Variants in RFC3 observed in about 807,000 individuals in gnomAD.
RFC3 encodes replication factor C subunit 3, also known as A1 38 kDa subunit.
In RFC3, 41 loss-of-function variants were observed where a neutral mutation model predicts 45.1. That is an observed-to-expected ratio of 0.91 (90% CI 0.71 to 1.18). The LOEUF is 1.18. Among genes scored for constraint, RFC3 ranks in the 50% most tolerant of loss-of-function variants. The probability of loss-of-function intolerance (pLI) is 0.00; values close to 1 mark genes in which losing one functional copy is unlikely to be tolerated. For missense variants in RFC3, 423 were observed against 428.1 expected, an observed-to-expected ratio of 0.99 and a Z score of 0.10; for synonymous variants, 149 against 144.0, an observed-to-expected ratio of 1.03 and a Z score of -0.25.
At chr13:33,830,455 ATTC>A (rs1049292987) in intron 5 of RFC3, among the ~76,000 whole-genome samples, 23 of 152,302 alleles carry the variant, frequency 1.5e-4, no homozygotes, top group African/African-American at 5.5e-4. Context: ...TTTTTTCTCC[ATTC>A]TTAACAGCCA....
downstream of RFC3, among the ~76,000 whole-genome samples, chr13:33,839,111 G>A (rs1328768383): frequency 2.0e-5 from 3 of 152,176 alleles, no homozygotes; most frequent in East Asian, 1.9e-4. Flanking sequence ...AATGAGGAAT[G>A]CATTCAAGGT....
chr13:33,821,089 G>T, intron 1 of RFC3, 43 bp from the exon 2 acceptor site: 11 of 1,609,166 alleles, frequency 6.8e-6, no homozygotes, highest in Non-Finnish European at 9.3e-6. Flanking sequence ...ACCTAGAGCA[G>T]TTCAGTTTGA....
chr13:33,887,409 G>GT (rs1222675475), intron 8 of RFC3, among the ~76,000 whole-genome samples: 4 of 151,958 alleles, frequency 2.6e-5, no homozygotes, highest in East Asian at 3.8e-4. Flanking sequence ...TTTTTCATGT[G>GT]TTTTTTGGCT....
chr13:33,906,976 A>G (rs2082675599), intron 8 of RFC3, among the ~76,000 whole-genome samples: 1 of 152,020 alleles, frequency 6.6e-6, no homozygotes, highest in Non-Finnish European at 1.5e-5. Context: ...CTACAAATGC[A>G]TGCTACCATG....
At chr13:33,970,694 G>C (rs2083106142), downstream of RFC3, among the ~76,000 whole-genome samples, 1 of 152,224 alleles carries the variant, frequency 6.6e-6, no homozygotes, top group Non-Finnish European at 1.5e-5. Context: ...GTATGTAACT[G>C]ACTTCGTTTG....
At chr13:33,862,077 G>C (rs577950517) in intron 8 of RFC3, among the ~76,000 whole-genome samples, 1 of 152,100 alleles carries the variant, frequency 6.6e-6, no homozygotes, top group Non-Finnish European at 1.5e-5. Context: ...AGTTCTATAC[G>C]TCTCACCTTT....
chr13:33,975,213 G>T, the RFC3 span, among the ~76,000 whole-genome samples: 1 of 152,214 alleles, frequency 6.6e-6, no homozygotes, highest in Non-Finnish European at 1.5e-5. Flanking sequence ...AGAATGCAAA[G>T]ACTGAGCTAT....
At chr13:33,933,452 G>T (rs1356405820) in intron 8 of RFC3, among the ~76,000 whole-genome samples, 1 of 152,084 alleles carries the variant, frequency 6.6e-6, no homozygotes, top group South Asian at 2.1e-4. Flanking sequence ...CCACTGCTAT[G>T]ATTGGGTTAG....
chr13:33,858,979 C>G (rs1390193539), intron 8 of RFC3, among the ~76,000 whole-genome samples: 1 of 152,194 alleles, frequency 6.6e-6, no homozygotes, highest in Non-Finnish European at 1.5e-5. Flanking sequence ...TGAATGCACA[C>G]TCAGTCGTAT....
chr13:33,886,268 C>T (rs1348403567), intron 8 of RFC3, among the ~76,000 whole-genome samples: 1 of 152,112 alleles, frequency 6.6e-6, no homozygotes, highest in Non-Finnish European at 1.5e-5. Flanking sequence ...GAAACCGGAC[C>T]AGACACAGTG....
intron 8 of RFC3, among the ~76,000 whole-genome samples, chr13:33,962,845 G>A (rs902906601): frequency 6.6e-6 from 1 of 152,058 alleles, no homozygotes; most frequent in African/African-American, 2.4e-5. Flanking sequence ...CACTTTTACT[G>A]TTTTTTAGTT....
intron 8 of RFC3, among the ~76,000 whole-genome samples, chr13:33,958,641 T>G (rs935208381): frequency 3.3e-5 from 5 of 152,182 alleles, no homozygotes; most frequent in Non-Finnish European, 7.4e-5. Flanking sequence ...AGGGAGAGTG[T>G]GGGATGATGT....
intron 8 of RFC3, chr13:33,850,392 T>C (rs1362484201): frequency 2.0e-5 from 3 of 152,128 alleles, no homozygotes; most frequent in African/African-American, 7.2e-5. Context: ...AAAATGTATC[T>C]ATTTTGAAGG....
At chr13:33,889,895 C>T (rs2082552855) in intron 8 of RFC3, among the ~76,000 whole-genome samples, 1 of 152,166 alleles carries the variant, frequency 6.6e-6, no homozygotes, top group Admixed American at 6.5e-5. Flanking sequence ...GGATAACATC[C>T]TGTCATTTGT....
intron 8 of RFC3, among the ~76,000 whole-genome samples, chr13:33,905,659 T>C (rs1330504862): frequency 6.6e-6 from 1 of 152,072 alleles, no homozygotes; most frequent in Non-Finnish European, 1.5e-5. Flanking sequence ...ATTGCTACAA[T>C]ATGAAGCTCA....
At chr13:33,859,180 G>A (rs1038860775) in intron 8 of RFC3, among the ~76,000 whole-genome samples, 1 of 152,130 alleles carries the variant, frequency 6.6e-6, no homozygotes, top group Non-Finnish European at 1.5e-5. Context: ...TTTGCTGTGA[G>A]AGTCAAAACT....
At chr13:33,898,036 AGACTGT>A (rs2082613034) in intron 8 of RFC3, among the ~76,000 whole-genome samples, 1 of 152,002 alleles carries the variant, frequency 6.6e-6, no homozygotes, top group Non-Finnish European at 1.5e-5. Flanking sequence ...AGGGAGAAAT[AGACTGT>A]GATACAATAG....
chr13:33,830,726 A>T lies in RFC3; in HGVS notation c.581A>T (p.His194Leu). ...TGTTAATTTTATTTGTAGATTTGCC[A>T]CGTGTTATCTACTGTGTGTAAGAAG... The part of the protein sequence containing the change: ...VPAPSIEDIC[H>L]VLSTVCKKEG... The change falls in exon 6 of 9, where the codon CAC (histidine) becomes CTC (leucine). Residue 194 changes from histidine to leucine, a missense_variant. His to Leu is a moderately conservative substitution (Grantham distance 99). Transcript: ENST00000380071. The T allele has an allele frequency of 6.3e-7, 1 of 1,598,248 alleles. No homozygotes were observed. The highest frequency in any genetic ancestry group is 8.5e-7 in the Non-Finnish European group (1 of 1,175,226).
intron 8 of RFC3, among the ~76,000 whole-genome samples, chr13:33,959,773 A>C (rs2083044769): frequency 6.6e-6 from 1 of 152,024 alleles, no homozygotes; most frequent in Non-Finnish European, 1.5e-5. Context: ...TTGTCAACCT[A>C]GGCTAACTGT....
Sources: allele counts gnomAD v4.1 joint callset (sites outside exome capture counted in the v4.1 genomes callset), GRCh38; gene constraint gnomAD v4.1.1; transcripts MANE v1.5; gene names NCBI Gene and HGNC (gene_info 2026-07-23, HGNC 2026-07-21).